The following IL1RAPL1 variants were observed in gnomAD, a reference collection of about 807,000 sequenced individuals.
IL1RAPL1 encodes the protein interleukin-1 receptor accessory protein-like 1.
A neutral mutation model predicts 48.4 loss-of-function variants in IL1RAPL1; 3 were observed. The ratio of observed to expected loss-of-function variants is 0.06; its 90% CI spans 0.03 to 0.16. IL1RAPL1 has a LOEUF of 0.16. Ranked by LOEUF, IL1RAPL1 falls within the 10% of genes least tolerant of loss-of-function variation. The probability of loss-of-function intolerance (pLI) is 1.00; values close to 1 mark genes in which losing one functional copy is unlikely to be tolerated. For missense variants in IL1RAPL1, 349 were observed against 530.6 expected (o/e 0.66, Z 3.36); for synonymous variants, 185 against 187.7 (o/e 0.99, Z 0.12).
chrX:28,710,413 T>A (rs183506501), intron 1 of IL1RAPL1, among the ~76,000 whole-genome samples: 123 of 110,202 alleles, frequency 1.1e-3, no homozygotes, highest in African/African-American at 3.8e-3. Flanking sequence ...TAAGACTCAT[T>A]GAGTAGGTGA....
At chrX:29,517,163 A>G (rs1231515247) in intron 5 of IL1RAPL1, among the ~76,000 whole-genome samples, 3 of 110,692 alleles carry the variant, frequency 2.7e-5, no homozygotes, top group African/African-American at 6.6e-5. Context: ...AAGCTTTTTG[A>G]ATTTTACTAG....
At chrX:29,825,577 G>C (rs1246781967) in intron 6 of IL1RAPL1, among the ~76,000 whole-genome samples, 1 of 111,681 alleles carries the variant, frequency 9.0e-6, no homozygotes, top group Non-Finnish European at 1.9e-5. Context: ...GGTGAAATAA[G>C]CATAACAACA....
At chrX:29,305,143 G>T (rs1189821070) in intron 3 of IL1RAPL1, among the ~76,000 whole-genome samples, 1 of 111,995 alleles carries the variant, frequency 8.9e-6, no homozygotes, top group Non-Finnish European at 1.9e-5. Context: ...AAAGAGGAAA[G>T]ATACATGATT....
At position 29,766,327 on chromosome X, in the gene IL1RAPL1, C is replaced by CAAAAAAAAAA. The variant is rs1220003136; in HGVS notation, c.778+97830_778+97839dup. Among the ~76,000 whole-genome samples, 64 of 25,609 alleles carry CAAAAAAAAAA rather than the reference C, an allele frequency of 2.5e-3. 1 individual carries two copies. The highest frequency in any genetic ancestry group is 0.013 in the African/African-American group (62 of 4,732). 22.2% of individuals were successfully genotyped at this position (25,609 alleles called of 115,157 possible). A position where few individuals can be genotyped will look rare whatever the true frequency, so the allele number is the denominator to read the frequency against. ...TGGGAGACAGAGTGAGACTCCGTCT[C>CAAAAAAAAAA]AAAAAAAAAAAAAAAATATATATAT... On this transcript the variant is annotated intron_variant, in intron 6 of 10. Coordinates refer to ENST00000378993, the MANE Select transcript of IL1RAPL1 (RefSeq NM_014271.4).
chrX:29,877,430 G>A (rs979358217), intron 6 of IL1RAPL1, among the ~76,000 whole-genome samples: 1 of 111,546 alleles, frequency 9.0e-6, no homozygotes, highest in Non-Finnish European at 1.9e-5. Context: ...AATTAGCATC[G>A]ATATGAACAA....
intron 1 of IL1RAPL1, among the ~76,000 whole-genome samples, chrX:28,655,291 G>A (rs773607394): frequency 9.2e-6 from 1 of 109,022 alleles, no homozygotes; most frequent in East Asian, 2.9e-4. Context: ...TAAATGAAAC[G>A]AACAAAAATG....
chrX:28,817,148 A>T (rs893981182), intron 2 of IL1RAPL1, among the ~76,000 whole-genome samples: 8 of 110,852 alleles, frequency 7.2e-5, no homozygotes, highest in Non-Finnish European at 1.5e-4. Context: ...TCTTATCTGG[A>T]ATTATTGTGA....
Position 29,155,085 on chromosome X carries a change from G to T in IL1RAPL1, c.83-127853G>T, listed in dbSNP as rs1256559059. ...TGCAATGGCATGATCTTGGCTCACT[G>T]CAACCTCCGCCTCCTGGGCTCAAGT... On this transcript the variant is annotated intron_variant, in intron 2 of 10. Coordinates refer to ENST00000378993, the MANE Select transcript of IL1RAPL1 (RefSeq NM_014271.4). Among the ~76,000 whole-genome samples, 16 of 107,313 alleles carry T rather than the reference G, an allele frequency of 1.5e-4. No homozygotes were observed. The Admixed American group carries it at 1.6e-3, about 11-fold the overall frequency. 93.2% of individuals were successfully genotyped at this position (107,313 alleles called of 115,157 possible).
chrX:29,661,103 G>A (rs1925834829), intron 5 of IL1RAPL1, among the ~76,000 whole-genome samples: 1 of 111,478 alleles, frequency 9.0e-6, no homozygotes, highest in South Asian at 3.7e-4. Flanking sequence ...TATTGTAAAG[G>A]GGATTTCTTT....
chrX:29,264,853 C>T (rs1036291690), intron 2 of IL1RAPL1, among the ~76,000 whole-genome samples: 7 of 110,930 alleles, frequency 6.3e-5, no homozygotes, highest in South Asian at 7.5e-4. Context: ...TTGATCTTTT[C>T]GAAAAACCAG....
At chrX:28,989,794 A>G (rs1925558940) in intron 2 of IL1RAPL1, among the ~76,000 whole-genome samples, 1 of 112,109 alleles carries the variant, frequency 8.9e-6, no homozygotes, top group South Asian at 3.6e-4. Flanking sequence ...TATAATAAAT[A>G]TTTGGGGAAG....
At chrX:29,607,530 G>A (rs372329288) in intron 5 of IL1RAPL1, among the ~76,000 whole-genome samples, 5 of 111,949 alleles carry the variant, frequency 4.5e-5, no homozygotes, top group South Asian at 7.5e-4. Flanking sequence ...TGTTAGTGAC[G>A]TGAAGCCTCC....
intron 2 of IL1RAPL1, among the ~76,000 whole-genome samples, chrX:28,982,323 C>T (rs773741432): frequency 8.9e-6 from 1 of 112,169 alleles, no homozygotes; most frequent in East Asian, 2.8e-4. Context: ...CTGGAACCCA[C>T]CAATGGGCAC....
chrX:28,820,893 T>G lies in IL1RAPL1; in HGVS notation c.82+31468T>G, dbSNP rs1936930218. Among the ~76,000 whole-genome samples the G allele has an allele frequency of 2.7e-5, 3 of 111,054 alleles. No homozygotes were observed. The South Asian group carries it at 1.1e-3, about 42-fold the overall frequency. On this transcript the variant is annotated intron_variant, in intron 2 of 10. Coordinates refer to ENST00000378993, the MANE Select transcript of IL1RAPL1 (RefSeq NM_014271.4). ...CAAGGAAAGTACAAATGCTTCGAGT[T>G]GGCTGAAACAGTTCTGGAATATACA...
intron 5 of IL1RAPL1, among the ~76,000 whole-genome samples, chrX:29,488,673 A>G (rs1441666289): frequency 9.0e-6 from 1 of 110,796 alleles, no homozygotes; most frequent in Non-Finnish European, 1.9e-5. Flanking sequence ...TGGTGCATAT[A>G]TAACTATGAG....
chrX:29,228,178 G>GCACACA (rs35435025), intron 2 of IL1RAPL1, among the ~76,000 whole-genome samples: 162 of 84,385 alleles, frequency 1.9e-3, no homozygotes, highest in East Asian at 5.9e-3. Context: ...ACACACGCGT[G>GCACACA]CACACACACA....
In IL1RAPL1 at chrX:29,534,795, C is replaced by T. The variant is rs1470384129; in HGVS notation, c.704-133635C>T. The stretch of plus-strand genomic sequence containing the variant: ...CATCCTGGCTAACACGGTGAAACCC[C>T]ATCTCTACTAAAAATACAAAAAAAT... On this transcript the variant is annotated intron_variant, in intron 5 of 10. Coordinates refer to ENST00000378993, the MANE Select transcript of IL1RAPL1 (RefSeq NM_014271.4). Among the ~76,000 whole-genome samples, 6 of 110,041 alleles carry T rather than the reference C, an allele frequency of 5.5e-5. No individual in the cohort carries two copies. The South Asian group carries it at 2.0e-3, about 36-fold the overall frequency.
chrX:29,920,794 C>CAAAAAAAAAAAAA (rs1176529100), intron 8 of IL1RAPL1, among the ~76,000 whole-genome samples: 8 of 31,635 alleles, frequency 2.5e-4, no homozygotes, highest in Admixed American at 5.1e-4. Flanking sequence ...GACCCTGTCT[C>CAAAAAAAAAAAAA]AAAAAAAAAA....
intron 2 of IL1RAPL1, among the ~76,000 whole-genome samples, chrX:28,827,816 A>G (rs1937008995): frequency 8.9e-6 from 1 of 112,106 alleles, no homozygotes; most frequent in African/African-American, 3.2e-5. Context: ...TTTAAGCAAC[A>G]GTTGTATGTT....
Sources: allele counts gnomAD v4.1 joint callset (sites outside exome capture counted in the v4.1 genomes callset), GRCh38; gene constraint gnomAD v4.1.1; transcripts MANE v1.5; gene names NCBI Gene and HGNC (gene_info 2026-07-23, HGNC 2026-07-21).